Variants in VAV3 observed in about 807,000 individuals in gnomAD.
VAV3 encodes guanine nucleotide exchange factor VAV3.
In VAV3, 94 loss-of-function variants were observed where a neutral mutation model predicts 131.2. The observed-to-expected ratio is 0.72, with a 90% CI of 0.61 to 0.85. The LOEUF is 0.85. VAV3 is among the 40% of genes least tolerant of loss of function. The pLI, the probability that VAV3 is intolerant of heterozygous loss-of-function variation, is 0.00. For synonymous variants in VAV3, 349 were observed against 342.0 expected (o/e 1.02, Z -0.22); for missense variants, 939 against 1,002.7 (o/e 0.94, Z 0.86).
chr1:107,734,762 A>G (rs1397546112), intron 15 of VAV3, among the ~76,000 whole-genome samples: 1 of 152,116 alleles, frequency 6.6e-6, no homozygotes, highest in Non-Finnish European at 1.5e-5. Flanking sequence ...ACAATAGGAG[A>G]CTTTAACACC....
chr1:107,834,395 T>A (rs188124203), intron 2 of VAV3, among the ~76,000 whole-genome samples: 1 of 152,198 alleles, frequency 6.6e-6, no homozygotes, highest in East Asian at 1.9e-4. Context: ...GCAGGAATTT[T>A]AAAAATGTTC....
At chr1:107,785,522 C>T in intron 2 of VAV3, 1 of 1,292,238 alleles carries the variant, frequency 7.7e-7, no homozygotes, top group Non-Finnish European at 1.0e-6. Context: ...GCAAGACGAG[C>T]TTGGGGGTTC....
chr1:107,787,678 C>T (rs564295275), intron 2 of VAV3, among the ~76,000 whole-genome samples: 1 of 152,292 alleles, frequency 6.6e-6, no homozygotes, highest in South Asian at 2.1e-4. Context: ...TCACTTGCAC[C>T]TTATTCTCTG....
intron 2 of VAV3, among the ~76,000 whole-genome samples, chr1:107,825,784 C>T (rs537963901): frequency 6.6e-6 from 1 of 152,146 alleles, no homozygotes; most frequent in African/African-American, 2.4e-5. Flanking sequence ...GAATTTCTTC[C>T]TGCTTATTCA....
chr1:107,905,904 G>C (rs1348216734), intron 1 of VAV3, among the ~76,000 whole-genome samples: 1 of 152,086 alleles, frequency 6.6e-6, no homozygotes, highest in African/African-American at 2.4e-5. Context: ...AAGCAGGACT[G>C]CCCATGTAAA....
At chr1:107,681,628 A>G (rs1658615459) in intron 19 of VAV3, among the ~76,000 whole-genome samples, 2 of 151,370 alleles carry the variant, frequency 1.3e-5, no homozygotes, top group Admixed American at 6.6e-5. Context: ...ATACACTCAT[A>G]TACATTTATT....
At chr1:107,771,715 C>T (rs956554384) in intron 5 of VAV3, among the ~76,000 whole-genome samples, 1 of 152,180 alleles carries the variant, frequency 6.6e-6, no homozygotes, top group African/African-American at 2.4e-5. Flanking sequence ...AAGAGTCCTA[C>T]CCATCTAAAT....
At chr1:107,591,419 GAATGAATGAATGAATA>G (rs1458304620) in intron 25 of VAV3, among the ~76,000 whole-genome samples, 13 of 150,710 alleles carry the variant, frequency 8.6e-5, no homozygotes, top group Admixed American at 2.0e-4. Context: ...AGGGATGAAT[GAATGAATGAATGAATA>G]AATGAATGAA....
intron 1 of VAV3, among the ~76,000 whole-genome samples, chr1:107,932,466 T>C (rs898906569): frequency 3.6e-4 from 55 of 152,224 alleles, no homozygotes; most frequent in African/African-American, 1.3e-3. Flanking sequence ...GCAATAACTA[T>C]GCAGTATGAT....
At chr1:107,855,248 C>T (rs1394165277) in intron 2 of VAV3, among the ~76,000 whole-genome samples, 1 of 152,064 alleles carries the variant, frequency 6.6e-6, no homozygotes, top group East Asian at 1.9e-4. Flanking sequence ...AAAGGCTCTT[C>T]AAGAAATCTC....
Position 107,724,574 on chromosome 1 carries a change from G to A in VAV3, c.1503-19513C>T, listed in dbSNP as rs370952769. 6.6e-5 allele frequency among the ~76,000 whole-genome samples: 10 copies of A among 152,290 alleles called. 1 individual carries two copies. Among genetic ancestry groups the A allele is most frequent in the Admixed American group, 4.6e-4 (7 of 15,292 alleles). ...ACCTAATAAAGTGATTCCCAAAGGT[G>A]TAAGATATGGTGGAGAATGAAAGAG... On this transcript the variant is annotated intron_variant, in intron 15 of 26. Transcript: ENST00000370056.
At position 107,759,901 on chromosome 1, in the gene VAV3, C is replaced by T. The variant is rs2102124110; in HGVS notation, c.1017+883G>A. ...TGCCTTGGAAACTGATTGCCTGAGT[C>T]GTCCTTATTATTTTTTCATAAAATC... is the stretch of plus-strand genomic sequence containing the variant. On this transcript the variant is annotated intron_variant, in intron 10 of 26. Coordinates refer to ENST00000370056, the MANE Select transcript of VAV3 (RefSeq NM_006113.5). Among the ~76,000 whole-genome samples, 2 of 152,198 alleles carry T rather than the reference C, an allele frequency of 1.3e-5. 1 individual carries two copies. The highest frequency in any genetic ancestry group is 2.9e-5 in the Non-Finnish European group (2 of 67,986).
At chr1:107,631,188 TAC>T (rs1228315246) in intron 20 of VAV3, among the ~76,000 whole-genome samples, 1 of 152,060 alleles carries the variant, frequency 6.6e-6, no homozygotes, top group African/African-American at 2.4e-5. Flanking sequence ...CTGTTTTATT[TAC>T]AGATATATAA....
rs1402993909 is a variant in VAV3 at position 107,801,271 on chromosome 1, T to C, written c.322-21779A>G. ...ATGCCTCCAGCTTTGTAGTTGTTGC[T>C]CAGAATTGCTTTAGCTATTCAAGGT... On this transcript the variant is annotated intron_variant, in intron 2 of 26. Transcript: ENST00000370056. 2.0e-5 allele frequency among the ~76,000 whole-genome samples: 3 copies of C among 152,168 alleles called. No individual in the cohort carries two copies. In the East Asian group the frequency reaches 5.8e-4, roughly 29 times the overall value.
chr1:107,795,296 G>A (rs1242946544), intron 2 of VAV3, among the ~76,000 whole-genome samples: 2 of 152,172 alleles, frequency 1.3e-5, no homozygotes, highest in Non-Finnish European at 2.9e-5. Context: ...AGTAAACTAT[G>A]TCCTTTAAAC....
chr1:107,844,317 C>T (rs571275377), intron 2 of VAV3, among the ~76,000 whole-genome samples: 2 of 152,322 alleles, frequency 1.3e-5, no homozygotes, highest in South Asian at 4.1e-4. Flanking sequence ...ACTATCTTCG[C>T]AACCCAAAGA....
At chr1:107,944,213 C>A (rs575817701) in intron 1 of VAV3, among the ~76,000 whole-genome samples, 1 of 152,312 alleles carries the variant, frequency 6.6e-6, no homozygotes, top group East Asian at 1.9e-4. Context: ...GGATGCCGGA[C>A]CCCCTCTCAT....
intron 2 of VAV3, among the ~76,000 whole-genome samples, chr1:107,783,379 A>AC (rs1187062086): frequency 6.6e-6 from 1 of 152,190 alleles, no homozygotes; most frequent in East Asian, 1.9e-4. Context: ...AGGCACTGGA[A>AC]CCAAGATGGC....
intron 20 of VAV3, among the ~76,000 whole-genome samples, chr1:107,632,598 A>C (rs1654586444): frequency 6.6e-6 from 1 of 152,224 alleles, no homozygotes; most frequent in African/African-American, 2.4e-5. Flanking sequence ...CTGTATGGGA[A>C]ACACTAGATG....
Sources: gnomAD v4.1 joint callset for allele counts (sites outside exome capture counted in the v4.1 genomes callset) on GRCh38, gnomAD v4.1.1 for gene constraint, MANE v1.5 for transcripts, NCBI Gene and HGNC (gene_info 2026-07-23, HGNC 2026-07-21) for gene names.